KANSL1L: variants seen among roughly 807,000 people sequenced by gnomAD.
The protein encoded by KANSL1L is KAT8 regulatory NSL complex subunit 1-like protein.
KANSL1L carries 25 observed loss-of-function variants against 108.6 expected under a neutral mutation model. That is an observed-to-expected ratio of 0.23 (90% CI 0.17 to 0.32). The LOEUF is 0.32. Ranked by LOEUF, KANSL1L falls within the 10% of genes least tolerant of loss-of-function variation. KANSL1L has a pLI of 1.00. For synonymous variants in KANSL1L, 405 were observed against 395.1 expected, an observed-to-expected ratio of 1.03 and a Z score of -0.30; for missense variants, 1,137 against 1,125.7, an observed-to-expected ratio of 1.01 and a Z score of -0.14.
intron 7 of KANSL1L, among the ~76,000 whole-genome samples, chr2:210,042,212 T>A (rs924261059): frequency 1.3e-5 from 2 of 152,214 alleles, no homozygotes; most frequent in Non-Finnish European, 2.9e-5. Context: ...TTTCATTGCT[T>A]TGAAACATTA....
intron 8 of KANSL1L, chr2:210,032,853 C>T (rs2094038724): frequency 6.6e-6 from 1 of 152,206 alleles, no homozygotes; most frequent in African/African-American, 2.4e-5. Context: ...GAAGAACCAT[C>T]TCAAGAAATA....
intron 2 of KANSL1L, among the ~76,000 whole-genome samples, chr2:210,137,288 A>AT (rs752119807): frequency 3.9e-5 from 6 of 152,222 alleles, no homozygotes; most frequent in African/African-American, 7.2e-5. Flanking sequence ...GGATATTTCT[A>AT]TAGGACTTTT....
At chr2:210,037,638 C>G (rs2094121250) in intron 8 of KANSL1L, among the ~76,000 whole-genome samples, 1 of 152,158 alleles carries the variant, frequency 6.6e-6, no homozygotes, top group South Asian at 2.1e-4. Flanking sequence ...CCTTCCGTCT[C>G]AGCAGTGAAC....
At chr2:210,050,463 G>C (rs1239611110) in intron 6 of KANSL1L, among the ~76,000 whole-genome samples, 3 of 152,064 alleles carry the variant, frequency 2.0e-5, no homozygotes, top group African/African-American at 7.2e-5. Context: ...CAAAAGTATA[G>C]AGCAGACATA....
At position 210,079,708 on chromosome 2, in the gene KANSL1L, A is replaced by ATATATGTATGTGTG. The variant is rs1361428256; in HGVS notation, c.1551-3953_1551-3952insCACACATACATATA. 258 of 132,368 alleles carry ATATATGTATGTGTG rather than the reference A, an allele frequency of 1.9e-3. 12 individuals are homozygous for ATATATGTATGTGTG. The highest frequency in any genetic ancestry group is 7.5e-3 in the African/African-American group (251 of 33,674). The allele number at this position is 132,368 out of a possible 1,614,324, so 8.2% of individuals were successfully genotyped here. A position where few individuals can be genotyped will look rare whatever the true frequency, so the allele number is the denominator to read the frequency against. The stretch of plus-strand genomic sequence containing the variant: ...TATATATATGTATGTGTGTATATAT[A>ATATATGTATGTGTG]TATATATATATATATATGGTTATCA... On this transcript the variant is annotated intron_variant, in intron 5 of 14. Coordinates refer to ENST00000281772, the MANE Select transcript of KANSL1L (RefSeq NM_152519.4).
At chr2:210,086,179 A>G (rs16844115) in intron 5 of KANSL1L, among the ~76,000 whole-genome samples, 2,271 of 152,120 alleles carry the variant, frequency 0.015, 69 homozygotes, top group African/African-American at 0.052. Context: ...AATAAATAGC[A>G]TGGCAATAAT....
chr2:210,159,705 A>G (rs80109156), intron 1 of KANSL1L, among the ~76,000 whole-genome samples: 5,232 of 152,340 alleles, frequency 0.034, 138 homozygotes, highest in Admixed American at 0.06. Flanking sequence ...TATAGAAAGG[A>G]TACTATGTTC....
Position 210,058,768 on chromosome 2 carries a change from C to T in KANSL1L, c.1756-14664G>A, listed in dbSNP as rs370276686. Reference sequence around the variant, plus strand: ...AGGAGAATGGTGTGAACCCGGGAGGCGCAATTTGCAGTGAGCTGAGATCGC... The same window carrying T: ...AGGAGAATGGTGTGAACCCGGGAGGTGCAATTTGCAGTGAGCTGAGATCGC... On this transcript the variant is annotated intron_variant, in intron 6 of 14. Coordinates refer to ENST00000281772, the MANE Select transcript of KANSL1L (RefSeq NM_152519.4). Among the ~76,000 whole-genome samples the T allele has an allele frequency of 8.2e-4, 122 of 148,666 alleles. 2 individuals are homozygous for T. The highest frequency in any genetic ancestry group is 2.4e-3 in the African/African-American group (95 of 40,214).
At chr2:210,083,039 T>C (rs999338026) in intron 5 of KANSL1L, among the ~76,000 whole-genome samples, 5 of 152,082 alleles carry the variant, frequency 3.3e-5, no homozygotes, top group Admixed American at 3.3e-4. Context: ...GAGCCCTAAA[T>C]CAAATCAGTG....
Position 210,107,677 on chromosome 2 carries a change from C to T in KANSL1L, c.1231-3376G>A, listed in dbSNP as rs1468097325. On this transcript the variant is annotated intron_variant, in intron 3 of 14. Coordinates refer to ENST00000281772, the MANE Select transcript of KANSL1L (RefSeq NM_152519.4). ...CCGAGTAGCTGGGACTACAGGTGCC[C>T]GCCACCACGCCCGGCTAATTTTTTA... Among the ~76,000 whole-genome samples the T allele has an allele frequency of 2.6e-5, 4 of 151,704 alleles. No homozygotes were observed. The East Asian group carries it at 5.8e-4, about 22-fold the overall frequency.
In KANSL1L at chr2:210,079,648, A is replaced by ATATATGTG. The variant is rs1164689592; in HGVS notation, c.1551-3893_1551-3892insCACATATA. The stretch of plus-strand genomic sequence containing the variant: ...TATATATATATATATATATATATAT[A>ATATATGTG]TATATATATATATATATGTATGTGT... On this transcript the variant is annotated intron_variant, in intron 5 of 14. Coordinates refer to ENST00000281772, the MANE Select transcript of KANSL1L (RefSeq NM_152519.4). 7.9e-4 allele frequency among the ~76,000 whole-genome samples: 12 copies of ATATATGTG among 15,200 alleles called. 2 individuals carry two copies. The East Asian group carries it at 0.022, about 28-fold the overall frequency. The allele number at this position is 15,200 out of a possible 152,430, so 10.0% of individuals were successfully genotyped here. A position where few individuals can be genotyped will look rare whatever the true frequency, so the allele number is the denominator to read the frequency against.
At chr2:210,060,277 A>G (rs1217658594) in intron 6 of KANSL1L, among the ~76,000 whole-genome samples, 2 of 152,222 alleles carry the variant, frequency 1.3e-5, no homozygotes, top group African/African-American at 4.8e-5. Flanking sequence ...TGAAATAACA[A>G]TGATGATACA....
chr2:210,063,014 G>C (rs1314891026), intron 6 of KANSL1L, among the ~76,000 whole-genome samples: 1 of 152,188 alleles, frequency 6.6e-6, no homozygotes, highest in Non-Finnish European at 1.5e-5. Flanking sequence ...CACAGGCCCA[G>C]AGGCCTAGGA....
intron 8 of KANSL1L, among the ~76,000 whole-genome samples, chr2:210,038,529 A>G (rs947607008): frequency 6.6e-6 from 1 of 152,056 alleles, no homozygotes; most frequent in South Asian, 2.1e-4. Flanking sequence ...GTGTCTGACT[A>G]TAAGCTCAGT....
rs778278229 is a variant in KANSL1L, at chr2:210,098,082, C to G, written c.1550+4G>C. On this transcript the variant is annotated splice_donor_region_variant and intron_variant, in intron 5 of 14. Transcript: ENST00000281772. ...AAAAGCTAAGCTATTCCATTGATAC[C>G]TACCTCCTGTAAATGCCATTAGCCA... The G allele has an allele frequency of 1.2e-6, 2 of 1,602,054 alleles. No homozygotes were observed. The highest frequency in any genetic ancestry group is 1.7e-6 in the Non-Finnish European group (2 of 1,174,396).
At chr2:210,091,691 TTA>T (rs1231379039) in intron 5 of KANSL1L, among the ~76,000 whole-genome samples, 2 of 152,192 alleles carry the variant, frequency 1.3e-5, no homozygotes, top group African/African-American at 4.8e-5. Context: ...GTTATTGCTG[TTA>T]TAGACTTTTT....
chr2:210,027,059 CCG>C lies in KANSL1L; in HGVS notation c.2451+235_2451+236del, dbSNP rs1351125078. Reference sequence around the variant, plus strand: ...GTGCTGGGATTACAGGCATTAGCCACCGCGCCCGGCCTTGGCTTTTTAAATTA... The same window carrying C: ...GTGCTGGGATTACAGGCATTAGCCACCGCCCGGCCTTGGCTTTTTAAATTA... On this transcript the variant is annotated intron_variant, in intron 12 of 14. Coordinates refer to ENST00000281772, the MANE Select transcript of KANSL1L (RefSeq NM_152519.4). Among the ~76,000 whole-genome samples, 3 of 152,328 alleles carry C rather than the reference CCG, an allele frequency of 2.0e-5. No homozygotes were observed. The East Asian group carries it at 5.8e-4, about 29-fold the overall frequency.
intron 6 of KANSL1L, 125 bp downstream of exon 6, chr2:210,075,427 G>T (rs1035066821): frequency 1.7e-5 from 11 of 652,462 alleles, no homozygotes; most frequent in Non-Finnish European, 2.9e-5. Context: ...AACTATATTT[G>T]TAAGTTTTCT....
Position 210,022,891 on chromosome 2 carries a change from G to T in KANSL1L, c.*58C>A. On this transcript the variant is annotated 3_prime_UTR_variant, in exon 15 of 15. Transcript: ENST00000281772. The stretch of plus-strand genomic sequence containing the variant: ...TGGAGGGGATGGGGGATCCAGAACA[G>T]GGCTTTATTTCCTCCCATCTTTCCT... 8.5e-7 allele frequency: 1 copy of T among 1,181,686 alleles called. No homozygotes were observed. The highest frequency in any genetic ancestry group is 1.3e-6 in the Non-Finnish European group (1 of 796,216). 73.2% of individuals were successfully genotyped at this position (1,181,686 alleles called of 1,614,324 possible). A position where few individuals can be genotyped will look rare whatever the true frequency, so the allele number is the denominator to read the frequency against.
Sources: gnomAD v4.1 joint callset for allele counts (sites outside exome capture counted in the v4.1 genomes callset) on GRCh38, gnomAD v4.1.1 for gene constraint, MANE v1.5 for transcripts, NCBI Gene and HGNC (gene_info 2026-07-23, HGNC 2026-07-21) for gene names.